MAGI1: variants seen among roughly 807,000 people sequenced by gnomAD.
The protein encoded by MAGI1 is membrane associated guanylate kinase, WW and PDZ domain containing 1.
MAGI1 carries 58 observed loss-of-function variants against 139.9 expected under a neutral mutation model. That is an observed-to-expected ratio of 0.41 (90% confidence interval 0.34 to 0.52). The LOEUF (loss-of-function observed/expected upper bound fraction) is 0.52, where lower values mean the gene tolerates loss of function less well. MAGI1 is among the 20% of genes least tolerant of loss of function. MAGI1 has a pLI of 0.12. For missense variants in MAGI1, 1,874 were observed against 1,901.6 expected, an observed-to-expected ratio of 0.99 and a Z score of 0.27; for synonymous variants, 812 against 737.9, an observed-to-expected ratio of 1.10 and a Z score of -1.63.
chr3:65,992,687 A>G (rs1318564957), intron 1 of MAGI1, among the ~76,000 whole-genome samples: 1 of 152,206 alleles, frequency 6.6e-6, no homozygotes, highest in East Asian at 1.9e-4. Flanking sequence ...TGGCACATGG[A>G]CCATATTTTG....
chr3:65,629,483 A>T (rs569637746), intron 1 of MAGI1, among the ~76,000 whole-genome samples: 1 of 152,340 alleles, frequency 6.6e-6, no homozygotes, highest in East Asian at 1.9e-4. Flanking sequence ...TTTCTTCAAA[A>T]AAATGATTAT....
chr3:65,465,976 C>T (rs1347643230), intron 5 of MAGI1, among the ~76,000 whole-genome samples: 3 of 152,064 alleles, frequency 2.0e-5, no homozygotes, highest in Non-Finnish European at 4.4e-5. Context: ...ATTTTCAGGT[C>T]CACTGATTCT....
rs185893336 is a variant in MAGI1 at position 65,767,256 on chromosome 3, C to G, written c.314-145168G>C. Among the ~76,000 whole-genome samples the G allele has an allele frequency of 1.9e-3, 285 of 152,112 alleles. 1 individual carries two copies. Among genetic ancestry groups the G allele is most frequent in the Admixed American group, 4.8e-3 (74 of 15,284 alleles). On this transcript the variant is annotated intron_variant, in intron 1 of 22. Coordinates refer to ENST00000402939, the MANE Select transcript of MAGI1 (RefSeq NM_001033057.2). ...AAGTTCTATTATATTTCTTACAGAT[C>G]TAAAATTATATATAGTATCTCTTTC...
At chr3:66,030,868 T>A (rs1354935670) in intron 1 of MAGI1, among the ~76,000 whole-genome samples, 2 of 152,210 alleles carry the variant, frequency 1.3e-5, no homozygotes, top group East Asian at 3.9e-4. Flanking sequence ...TATTTAATCA[T>A]AAAAGACACT....
intron 1 of MAGI1, among the ~76,000 whole-genome samples, chr3:65,923,124 T>G (rs909499666): frequency 5.9e-5 from 9 of 152,184 alleles, no homozygotes; most frequent in Non-Finnish European, 1.2e-4. Flanking sequence ...GGCAAAAGAT[T>G]TCTAATTCTT....
chr3:65,727,070 C>G (rs1451234311), intron 1 of MAGI1, among the ~76,000 whole-genome samples: 1 of 150,480 alleles, frequency 6.6e-6, no homozygotes, highest in Non-Finnish European at 1.5e-5. Context: ...TGGAAGAAAA[C>G]AAAATATATG....
intron 2 of MAGI1, among the ~76,000 whole-genome samples, chr3:65,611,072 A>G (rs975054563): frequency 7.3e-6 from 1 of 137,744 alleles, no homozygotes; most frequent in African/African-American, 2.6e-5. Flanking sequence ...TATAGTGTAT[A>G]GTATATGTAC....
At chr3:65,448,693 CACAT>C (rs1349800246) in intron 6 of MAGI1, among the ~76,000 whole-genome samples, 440 of 29,338 alleles carry the variant, frequency 0.015, 3 homozygotes, top group African/African-American at 0.035. Context: ...TGTGAGAAAA[CACAT>C]ACACACACAC....
intron 1 of MAGI1, among the ~76,000 whole-genome samples, chr3:65,666,519 T>G (rs1258573978): frequency 6.6e-6 from 1 of 152,154 alleles, no homozygotes; most frequent in Non-Finnish European, 1.5e-5. Flanking sequence ...TAAAACCTTA[T>G]AGACATTCAA....
intron 1 of MAGI1, among the ~76,000 whole-genome samples, chr3:66,011,437 A>T (rs777562936): frequency 6.6e-6 from 1 of 152,042 alleles, no homozygotes; most frequent in Non-Finnish European, 1.5e-5. Context: ...ACACACACAA[A>T]CATACACCCC....
At chr3:65,488,232 C>CACACAG (rs1951752068) in intron 3 of MAGI1, among the ~76,000 whole-genome samples, 2 of 152,216 alleles carry the variant, frequency 1.3e-5, no homozygotes, top group African/African-American at 4.8e-5. Context: ...ACACAGTCCT[C>CACACAG]TCATAGCTTC....
chr3:65,686,899 T>C (rs763426066), intron 1 of MAGI1, among the ~76,000 whole-genome samples: 32 of 152,376 alleles, frequency 2.1e-4, no homozygotes, highest in African/African-American at 2.9e-4. Context: ...TTTTGGAATA[T>C]TGAATCTCCA....
chr3:65,766,803 C>A (rs1055227623), intron 1 of MAGI1, among the ~76,000 whole-genome samples: 1 of 152,000 alleles, frequency 6.6e-6, no homozygotes, highest in Non-Finnish European at 1.5e-5. Flanking sequence ...GCAGGAGAAT[C>A]GCTTAAACCT....
chr3:65,966,787 TG>T (rs1438383677), intron 1 of MAGI1, among the ~76,000 whole-genome samples: 5 of 152,212 alleles, frequency 3.3e-5, no homozygotes, highest in Admixed American at 6.5e-5. Context: ...GTACATAAAA[TG>T]TCTGGCACAG....
At chr3:65,616,409 T>A (rs1475791570) in intron 2 of MAGI1, among the ~76,000 whole-genome samples, 1 of 151,940 alleles carries the variant, frequency 6.6e-6, no homozygotes. Context: ...AGAAAAGAGA[T>A]AGAGTCGAAG....
chr3:65,930,152 T>C (rs1375394098), intron 1 of MAGI1, among the ~76,000 whole-genome samples: 3 of 151,244 alleles, frequency 2.0e-5, no homozygotes, highest in African/African-American at 7.3e-5. Flanking sequence ...CTGTCTCTAC[T>C]GAAAATACAA....
chr3:65,800,173 T>C (rs1235859545), intron 1 of MAGI1, among the ~76,000 whole-genome samples: 2 of 152,156 alleles, frequency 1.3e-5, no homozygotes, highest in African/African-American at 4.8e-5. Flanking sequence ...ACTTAACACA[T>C]GTAAAGCATT....
At chr3:65,878,241 G>C (rs927343108) in intron 1 of MAGI1, among the ~76,000 whole-genome samples, 12 of 152,298 alleles carry the variant, frequency 7.9e-5, no homozygotes, top group Non-Finnish European at 1.3e-4. Context: ...ACTTGGCCGG[G>C]CACGGTGGCT....
chr3:65,883,429 G>A (rs866497444), intron 1 of MAGI1, among the ~76,000 whole-genome samples: 8 of 152,108 alleles, frequency 5.3e-5, no homozygotes, highest in Non-Finnish European at 8.8e-5. Context: ...TAAACAGGGT[G>A]GGTCACAGTA....
Sources: allele counts gnomAD v4.1 joint callset (sites outside exome capture counted in the v4.1 genomes callset), GRCh38; gene constraint gnomAD v4.1.1; transcripts MANE v1.5; gene names NCBI Gene and HGNC (gene_info 2026-07-23, HGNC 2026-07-21).